Variants in CSMD1 observed in about 807,000 individuals in gnomAD.
The protein encoded by CSMD1 is CUB and Sushi multiple domains 1.
In CSMD1, 213 loss-of-function variants were observed where a neutral mutation model predicts 417.5. The observed-to-expected ratio is 0.51, with a 90% CI of 0.46 to 0.57. The LOEUF (loss-of-function observed/expected upper bound fraction) is 0.57. Among genes scored for constraint, CSMD1 ranks in the 20% least tolerant of loss-of-function variants. The pLI is 0.00. For missense variants in CSMD1, 6,923 were observed against 4,529.7 expected (o/e 1.53, Z -15.17); for synonymous variants, 2,862 against 1,736.8 (o/e 1.65, Z -16.11).
chr8:4,180,848 T>G (rs951246908), intron 3 of CSMD1, among the ~76,000 whole-genome samples: 2 of 152,152 alleles, frequency 1.3e-5, no homozygotes, highest in Non-Finnish European at 2.9e-5. Context: ...ATTATGATAT[T>G]TAAAAGCTCA....
intron 5 of CSMD1, among the ~76,000 whole-genome samples, chr8:3,917,126 CTAA>C (rs1252256587): frequency 6.6e-6 from 1 of 152,112 alleles, no homozygotes; most frequent in Non-Finnish European, 1.5e-5. Flanking sequence ...AAAAGATAGT[CTAA>C]GAGAATGAGT....
intron 34 of CSMD1, 123 bp downstream of exon 34, chr8:3,189,789 A>G (rs1796304310): frequency 3.6e-6 from 3 of 822,228 alleles, no homozygotes; most frequent in Non-Finnish European, 5.6e-6. Context: ...CCCATGAAAC[A>G]AACTGCCCTT....
At chr8:3,748,250 TA>T (rs1374536948) in intron 6 of CSMD1, among the ~76,000 whole-genome samples, 1 of 152,092 alleles carries the variant, frequency 6.6e-6, no homozygotes, top group Non-Finnish European at 1.5e-5. Flanking sequence ...TATTAAAAAC[TA>T]TTTTTTTTCA....
intron 1 of CSMD1, among the ~76,000 whole-genome samples, chr8:4,936,700 G>T (rs568804722): frequency 1.3e-5 from 2 of 152,130 alleles, no homozygotes; most frequent in African/African-American, 4.8e-5. Flanking sequence ...ATATTTCACT[G>T]TAATTCATTA....
chr8:4,229,251 C>T lies in CSMD1; in HGVS notation c.415+190702G>A, dbSNP rs950112186. Among the ~76,000 whole-genome samples, 18 of 152,150 alleles carry T rather than the reference C, an allele frequency of 1.2e-4. 1 individual carries two copies. Among genetic ancestry groups the T allele is most frequent in the African/African-American group, 4.1e-4 (17 of 41,422 alleles). On this transcript the variant is annotated intron_variant, in intron 3 of 69. Coordinates refer to ENST00000635120, the MANE Select transcript of CSMD1 (RefSeq NM_033225.6). ...AATTTGGCTAGTCCTACTCAAAAGA[C>T]GCTGAGATGCTGAGCAATCCTCCCC...
At chr8:4,098,429 A>G (rs1392867065) in intron 3 of CSMD1, among the ~76,000 whole-genome samples, 3 of 152,104 alleles carry the variant, frequency 2.0e-5, no homozygotes, top group African/African-American at 7.2e-5. Context: ...CATGTTACAT[A>G]ATATGTGCAA....
At chr8:4,302,284 C>T (rs1425009103) in intron 3 of CSMD1, among the ~76,000 whole-genome samples, 1 of 152,068 alleles carries the variant, frequency 6.6e-6, no homozygotes, top group Non-Finnish European at 1.5e-5. Flanking sequence ...TAAGAGATAT[C>T]CTTGGAATGG....
chr8:4,395,042 C>T (rs761370120), intron 3 of CSMD1, among the ~76,000 whole-genome samples: 1 of 152,134 alleles, frequency 6.6e-6, no homozygotes. Context: ...ATCCCATATC[C>T]CTTTCCCGTG....
intron 48 of CSMD1, among the ~76,000 whole-genome samples, chr8:3,090,244 G>C (rs569715810): frequency 5.4e-5 from 8 of 149,396 alleles, no homozygotes; most frequent in African/African-American, 2.0e-4. Flanking sequence ...CTGAACCCGG[G>C]AGGCGGAGCT....
intron 12 of CSMD1, among the ~76,000 whole-genome samples, chr8:3,463,185 G>C (rs1354492302): frequency 1.3e-5 from 2 of 152,156 alleles, no homozygotes; most frequent in African/African-American, 4.8e-5. Context: ...TGTCGTGACT[G>C]GGCACTGTTC....
chr8:3,740,869 C>T (rs1584930055), intron 6 of CSMD1, among the ~76,000 whole-genome samples: 1 of 152,130 alleles, frequency 6.6e-6, no homozygotes, highest in South Asian at 2.1e-4. Context: ...GAGGATGAGG[C>T]AGAGCCCTAC....
At chr8:4,290,534 G>A (rs1049527302) in intron 3 of CSMD1, among the ~76,000 whole-genome samples, 1 of 152,114 alleles carries the variant, frequency 6.6e-6, no homozygotes, top group African/African-American at 2.4e-5. Flanking sequence ...TGAGTTATGG[G>A]GGAAAACAAA....
At chr8:4,443,395 C>G (rs977862683) in intron 2 of CSMD1, among the ~76,000 whole-genome samples, 34 of 152,190 alleles carry the variant, frequency 2.2e-4, no homozygotes, top group Admixed American at 6.5e-5. Flanking sequence ...CAACAAAACA[C>G]AGTTCCAAGA....
rs75025478 is a variant in CSMD1 at position 3,719,087 on chromosome 8, C to G, written c.932-10596G>C. On this transcript the variant is annotated intron_variant, in intron 6 of 69. Coordinates refer to ENST00000635120, the MANE Select transcript of CSMD1 (RefSeq NM_033225.6). ...CTCCTGAGGTGGAAAACAGAGGTGTCTCAGACGATTCGCAAATTCCAAGAA... is the reference window on the plus strand; with the variant it reads ...CTCCTGAGGTGGAAAACAGAGGTGTGTCAGACGATTCGCAAATTCCAAGAA... Among the ~76,000 whole-genome samples the G allele has an allele frequency of 4.5e-3, 679 of 152,266 alleles. 8 individuals carry two copies. The highest frequency in any genetic ancestry group is 0.033 in the South Asian group (158 of 4,822).
rs576086377 is a variant in CSMD1 at position 4,632,860 on chromosome 8, G to T, written c.302+4482C>A. On this transcript the variant is annotated intron_variant, in intron 2 of 69. Transcript: ENST00000635120. ...ATTCAGACCGGTAGAGGGAGAGGCC[G>T]GGAATAAGAGGACAACATTCTCTTG... is the stretch of plus-strand genomic sequence containing the variant. Among the ~76,000 whole-genome samples the T allele has an allele frequency of 2.0e-5, 3 of 152,134 alleles. No homozygotes were observed. In the South Asian group the frequency reaches 6.2e-4, roughly 31 times the overall value.
intron 3 of CSMD1, among the ~76,000 whole-genome samples, chr8:4,261,302 C>G (rs558461673): frequency 2.6e-4 from 39 of 152,158 alleles, no homozygotes; most frequent in African/African-American, 9.2e-4. Flanking sequence ...TGAAATAACC[C>G]AGGCATAGAA....
At chr8:4,162,110 A>T (rs577524618) in intron 3 of CSMD1, among the ~76,000 whole-genome samples, 1 of 152,322 alleles carries the variant, frequency 6.6e-6, no homozygotes, top group East Asian at 1.9e-4. Context: ...GAAGCAATAT[A>T]TGGTTACATG....
chr8:4,707,369 G>C (rs751405333), intron 1 of CSMD1, among the ~76,000 whole-genome samples: 7 of 152,114 alleles, frequency 4.6e-5, no homozygotes, highest in Non-Finnish European at 1.0e-4. Context: ...AGAAAATCTA[G>C]ATTTCCAAAA....
chr8:3,949,523 A>T (rs751888136), intron 5 of CSMD1, among the ~76,000 whole-genome samples: 14 of 152,156 alleles, frequency 9.2e-5, no homozygotes, highest in Non-Finnish European at 1.9e-4. Flanking sequence ...GCAAAGAGAG[A>T]AGCTAGCAAC....
Sources: allele counts gnomAD v4.1 joint callset (sites outside exome capture counted in the v4.1 genomes callset), GRCh38; gene constraint gnomAD v4.1.1; transcripts MANE v1.5; gene names NCBI Gene and HGNC (gene_info 2026-07-23, HGNC 2026-07-21).